Variants in ZNF519 observed in about 807,000 individuals in gnomAD.
The protein encoded by ZNF519 is similar to Zinc finger protein 85 (Zinc finger protein HPF4) (HTF1).
ZNF519 carries 7 observed loss-of-function variants against 7.4 expected under a neutral mutation model. That is an observed-to-expected ratio of 0.94 (90% confidence interval 0.54 to 1.77). The LOEUF is 1.77. Among genes scored for constraint, ZNF519 ranks in the 40% most tolerant of loss-of-function variants. ZNF519 has a pLI of 0.00. For missense variants in ZNF519, 586 were observed against 623.1 expected (o/e 0.94, Z 0.63); for synonymous variants, 179 against 203.3 (o/e 0.88, Z 1.02).
chr18:14,097,499 G>A (rs1013261953), downstream of ZNF519, among the ~76,000 whole-genome samples: 2 of 152,116 alleles, frequency 1.3e-5, no homozygotes, highest in African/African-American at 4.8e-5. Context: ...AAGTCCAAGT[G>A]GTCAAATAAC....
chr18:14,101,736 G>A lies in ZNF519; in HGVS notation c.*3181C>T, dbSNP rs777567922. 11 of 398,658 alleles carry A rather than the reference G, an allele frequency of 2.8e-5. No individual in the cohort carries two copies. The highest frequency in any genetic ancestry group is 1.8e-4 in the African/African-American group (9 of 48,722). 24.7% of individuals were successfully genotyped at this position (398,658 alleles called of 1,614,324 possible). On this transcript the variant is annotated 3_prime_UTR_variant, in exon 3 of 3. Coordinates refer to ENST00000590202, the MANE Select transcript of ZNF519 (RefSeq NM_145287.4). The stretch of plus-strand genomic sequence containing the variant: ...CCTGCCCCTCACCCAGGGAGATGAA[G>A]TGTCCATCAGTTCTTTGATGATGTT...
intron 2 of ZNF519, chr18:14,091,125 T>C (rs2046112808): frequency 6.6e-6 from 1 of 152,178 alleles, no homozygotes; most frequent in Non-Finnish European, 1.5e-5. Context: ...AATATATTTA[T>C]TTGGGGATAA....
intron 2 of ZNF519, among the ~76,000 whole-genome samples, chr18:14,106,800 T>C (rs553443804): frequency 2.0e-5 from 3 of 152,062 alleles, no homozygotes; most frequent in African/African-American, 2.4e-5. Context: ...ACTTGGGAGA[T>C]AGAGAACACT....
chr18:14,106,316 C>G lies in ZNF519; in HGVS notation c.224G>C (p.Gly75Ala). The G allele has an allele frequency of 6.2e-7, 1 of 1,613,134 alleles. No individual in the cohort carries two copies. Among genetic ancestry groups the G allele is most frequent in the Non-Finnish European group, 8.5e-7 (1 of 1,179,818 alleles). ...TTTCCATAAGCATATATTTTCAAGG[C>G]CACAGCTCCCATATCTTCCCAGTGT... is the stretch of plus-strand genomic sequence containing the variant. ...KATLGRYGSC[G>A]LENICLWKNW... The change falls in exon 3 of 3, where the codon GGC (glycine) becomes GCC (alanine). Residue 75 changes from glycine to alanine, a missense_variant. Physicochemically the swap from Gly to Ala is moderately conservative, Grantham distance 60. Coordinates refer to ENST00000590202, the MANE Select transcript of ZNF519 (RefSeq NM_145287.4).
chr18:14,073,985 C>G (rs150723343), downstream of ZNF519: 1 of 152,246 alleles, frequency 6.6e-6, no homozygotes, highest in African/African-American at 2.4e-5. Context: ...AGGGACAAGC[C>G]AGAAGATTTT....
chr18:14,077,424 G>C (rs2046051844), exon 5 of ZNF519: 1 of 152,318 alleles, frequency 6.6e-6, no homozygotes, highest in Admixed American at 6.5e-5. Flanking sequence ...TTGAAGTGAT[G>C]GTCAGGACAG....
chr18:14,075,696 G>A (rs1053200690), downstream of ZNF519: 5 of 152,092 alleles, frequency 3.3e-5, no homozygotes, highest in African/African-American at 1.2e-4. Flanking sequence ...ACCCAATTAT[G>A]GTCTGAGATA....
rs1314582366 is a variant in ZNF519 at position 14,103,071 on chromosome 18, T to C, written c.*1846A>G. On this transcript the variant is annotated 3_prime_UTR_variant, in exon 3 of 3. Transcript: ENST00000590202. ...TACTGATAATATTACAGGCTATAAA[T>C]AGATTAAATAATCAAATCCATTATT... The C allele has an allele frequency of 6.6e-6, 1 of 152,130 alleles. No individual in the cohort carries two copies. The highest frequency in any genetic ancestry group is 1.5e-5 in the Non-Finnish European group (1 of 67,992). 9.4% of individuals were successfully genotyped at this position (152,130 alleles called of 1,614,324 possible).
At chr18:14,079,051 A>G (rs572836254) in intron 3 of ZNF519, among the ~76,000 whole-genome samples, 1 of 152,306 alleles carries the variant, frequency 6.6e-6, no homozygotes, top group East Asian at 1.9e-4. Context: ...CCTGGAATAA[A>G]AAAAGGGGTT....
intron 1 of ZNF519, 46 bp downstream of exon 1, chr18:14,132,229 A>G (rs1196817567): frequency 6.2e-7 from 1 of 1,611,530 alleles, no homozygotes; most frequent in East Asian, 2.2e-5. Flanking sequence ...GCCGGTTCCA[A>G]GGAGCCCCCT....
chr18:14,112,314 C>T (rs1221300491), intron 2 of ZNF519, among the ~76,000 whole-genome samples: 1 of 152,032 alleles, frequency 6.6e-6, no homozygotes, highest in Non-Finnish European at 1.5e-5. Context: ...AAGAAACATA[C>T]CTCAACATAT....
At chr18:14,092,088 C>A (rs1287726629) in intron 2 of ZNF519, among the ~76,000 whole-genome samples, 1 of 152,080 alleles carries the variant, frequency 6.6e-6, no homozygotes, top group African/African-American at 2.4e-5. Context: ...GGAGGCCGTA[C>A]CAGTGAATCG....
chr18:14,074,368 C>G (rs547265948), downstream of ZNF519: 1 of 152,250 alleles, frequency 6.6e-6, no homozygotes, highest in African/African-American at 2.4e-5. Context: ...CTGCACTGCA[C>G]CCTGATGGCC....
chr18:14,100,688 G>A lies in ZNF519; in HGVS notation c.*4229C>T, dbSNP rs1409149273. The stretch of plus-strand genomic sequence containing the variant: ...ATCAGAGTGGGTATGGTGGGGAGAA[G>A]GGAAGCGGATGTGGTTATAAGAGGA... On this transcript the variant is annotated 3_prime_UTR_variant, in exon 3 of 3. Transcript: ENST00000590202. The A allele has an allele frequency of 6.6e-6, 1 of 152,140 alleles. No individual in the cohort carries two copies. The highest frequency in any genetic ancestry group is 6.5e-5 in the Admixed American group (1 of 15,272). The allele number at this position is 152,140 out of a possible 1,614,324, so 9.4% of individuals were successfully genotyped here. A position where few individuals can be genotyped will look rare whatever the true frequency, so the allele number is the denominator to read the frequency against.
chr18:14,127,687 T>G (rs968312769), intron 1 of ZNF519, among the ~76,000 whole-genome samples: 1 of 152,156 alleles, frequency 6.6e-6, no homozygotes, highest in African/African-American at 2.4e-5. Flanking sequence ...CCATGATCTC[T>G]GAATCAGTGT....
rs7238011 is a variant in ZNF519 at position 14,124,208 on chromosome 18, C to A, written c.130+142G>T. The A allele has an allele frequency of 2.8e-3, 1,721 of 623,670 alleles. 24 individuals are homozygous for A. The African/African-American group carries it at 0.03, about 11-fold the overall frequency. 38.6% of individuals were successfully genotyped at this position (623,670 alleles called of 1,614,324 possible). The stretch of plus-strand genomic sequence containing the variant: ...AAAAAAAAAAAGATTTTCTTTTTTA[C>A]ACTAGCAAACTCCCATTTTTTCTTG... On this transcript the variant is annotated intron_variant, in intron 2 of 2. Transcript: ENST00000590202.
In ZNF519 at chr18:14,084,010, A is replaced by G. The variant is rs541823046; in HGVS notation, c.*177+867T>C. The stretch of plus-strand genomic sequence containing the variant: ...TAGTCCTGCCCAGGATGACCCCCCA[A>G]ATGGCCTCTTCACAGGCCCATTTCA... On this transcript the variant is annotated intron_variant and NMD_transcript_variant, in intron 3 of 4. Transcript: ENST00000587419. Among the ~76,000 whole-genome samples, 34 of 152,208 alleles carry G rather than the reference A, an allele frequency of 2.2e-4. No individual in the cohort carries two copies. In the South Asian group the frequency reaches 6.9e-3, roughly 31 times the overall value.
chr18:14,114,450 A>G (rs2046236446), intron 2 of ZNF519, among the ~76,000 whole-genome samples: 1 of 152,170 alleles, frequency 6.6e-6, no homozygotes, highest in Non-Finnish European at 1.5e-5. Flanking sequence ...TGCTATAGCT[A>G]TATGGATTTA....
In ZNF519 at chr18:14,101,172, G is replaced by A. The variant is rs2046158487; in HGVS notation, c.*3745C>T. 6.5e-6 allele frequency: 1 copy of A among 153,860 alleles called. No homozygotes were observed. The highest frequency in any genetic ancestry group is 2.4e-5 in the African/African-American group (1 of 41,446). The allele number at this position is 153,860 out of a possible 1,614,324, so 9.5% of individuals were successfully genotyped here. A position where few individuals can be genotyped will look rare whatever the true frequency, so the allele number is the denominator to read the frequency against. ...GCAGCAGGTCCAGGAGCTGTTGGGT[G>A]GGGGTGAACTCTCTCTAGGTGCACA... On this transcript the variant is annotated 3_prime_UTR_variant, in exon 3 of 3. Transcript: ENST00000590202.
Sources: gnomAD v4.1 joint callset for allele counts (sites outside exome capture counted in the v4.1 genomes callset) on GRCh38, gnomAD v4.1.1 for gene constraint, MANE v1.5 for transcripts, NCBI Gene and HGNC (gene_info 2026-07-23, HGNC 2026-07-21) for gene names.